Variants in BCOR observed in about 807,000 individuals in gnomAD.
BCOR encodes the protein BCL6 corepressor, also known as BCL-6 corepressor.
Under a neutral mutation model 86.7 loss-of-function variants are expected in BCOR, and 10 were observed. The ratio of observed to expected loss-of-function variants is 0.12; its 90% CI spans 0.07 to 0.20. The LOEUF (loss-of-function observed/expected upper bound fraction) is 0.20. BCOR is among the 10% of genes least tolerant of loss of function. BCOR has a pLI of 1.00. For missense variants in BCOR, 1,259 were observed against 1,452.1 expected (o/e 0.87, Z 2.16); for synonymous variants, 611 against 609.0 (o/e 1.00, Z -0.05).
chrX:40,075,318 CG>C, intron 3 of BCOR, 138 bp from the exon 4 acceptor site: 2 of 91,284 alleles, frequency 2.2e-5, no homozygotes, highest in East Asian at 5.8e-4. Context: ...TCCGGCGGGG[CG>C]GGGGTGGGGG....
intron 1 of BCOR, among the ~76,000 whole-genome samples, chrX:40,092,770 C>T (rs751463020): frequency 1.8e-5 from 2 of 112,465 alleles, no homozygotes; most frequent in South Asian, 7.3e-4. Flanking sequence ...CAGAGATAAT[C>T]CTAGTTCACT....
chrX:40,060,217 G>C (rs979835615), intron 10 of BCOR, among the ~76,000 whole-genome samples: 11 of 112,371 alleles, frequency 9.8e-5, no homozygotes, highest in African/African-American at 3.6e-4. Flanking sequence ...AGAAATCCCA[G>C]AAAGTTGGAT....
intron 3 of BCOR, among the ~76,000 whole-genome samples, chrX:40,075,584 C>A (rs1184309856): frequency 9.1e-6 from 1 of 110,341 alleles, no homozygotes; most frequent in African/African-American, 3.3e-5. Context: ...ATGGTGAAAC[C>A]CCATCTCTAC....
intron 1 of BCOR, among the ~76,000 whole-genome samples, chrX:40,161,366 A>C (rs1003572720): frequency 9.3e-6 from 1 of 107,798 alleles, no homozygotes; most frequent in African/African-American, 3.4e-5. Context: ...TGCCCGGCTA[A>C]TTTTTGTATT....
At chrX:40,177,025 C>A (rs977490228) in exon 1 of BCOR, 1 of 108,828 alleles carries the variant, frequency 9.2e-6, no homozygotes. Context: ...CGACCAGCTC[C>A]GTCTTCCACT....
intron 1 of BCOR, among the ~76,000 whole-genome samples, chrX:40,085,925 G>T (rs1389624329): frequency 8.9e-6 from 1 of 111,865 alleles, no homozygotes; most frequent in African/African-American, 3.3e-5. Context: ...TGCAGGGCCT[G>T]GCGGGGTACC....
intron 1 of BCOR, among the ~76,000 whole-genome samples, chrX:40,157,121 G>A (rs1938313409): frequency 8.8e-6 from 1 of 113,306 alleles, no homozygotes; most frequent in Non-Finnish European, 1.9e-5. Flanking sequence ...GGCTCCAAAG[G>A]GCTGATGTGA....
upstream of BCOR, among the ~76,000 whole-genome samples, chrX:40,098,869 G>C (rs1937012095): frequency 8.9e-6 from 1 of 112,663 alleles, no homozygotes; most frequent in Non-Finnish European, 1.9e-5. Context: ...TGGGGGAAGG[G>C]GGGAGCAGCC....
intron 1 of BCOR, among the ~76,000 whole-genome samples, chrX:40,140,958 ACT>A (rs1937910939): frequency 8.9e-6 from 1 of 112,460 alleles, no homozygotes; most frequent in Non-Finnish European, 1.9e-5. Context: ...CCCCTGGTTC[ACT>A]CTGAGGGGCT....
intron 1 of BCOR, among the ~76,000 whole-genome samples, chrX:40,174,586 A>C (rs1002297096): frequency 2.7e-5 from 3 of 112,945 alleles, no homozygotes; most frequent in Non-Finnish European, 5.6e-5. Context: ...GCCAAAACGC[A>C]GAACCATCTA....
At chrX:40,135,707 C>G (rs751458544) in intron 1 of BCOR, among the ~76,000 whole-genome samples, 1 of 111,582 alleles carries the variant, frequency 9.0e-6, no homozygotes, top group Non-Finnish European at 1.9e-5. Context: ...GCCTTTTTGT[C>G]TCTCAGCATT....
chrX:40,146,902 C>T (rs1295814105), intron 1 of BCOR, among the ~76,000 whole-genome samples: 2 of 112,555 alleles, frequency 1.8e-5, no homozygotes, highest in Non-Finnish European at 3.8e-5. Context: ...CTCCTTTCTT[C>T]GCGCCCCTAG....
chrX:40,110,661 CTTTTTCTTTTTTTTTTTTTTTTTTTTT>C (rs1390675777), intron 1 of BCOR, among the ~76,000 whole-genome samples: 1 of 24,670 alleles, frequency 4.1e-5, no homozygotes, highest in African/African-American at 9.3e-5. Context: ...TTCTTTTTTC[CTTTTTCTTTTTTTTTTTTTTTTTTTTT>C]TTTTTTTTTT....
intron 1 of BCOR, among the ~76,000 whole-genome samples, chrX:40,133,626 AT>A (rs1436096545): frequency 1.0e-3 from 108 of 106,057 alleles, no homozygotes; most frequent in Non-Finnish European, 1.7e-3. Flanking sequence ...CGCCCGGCTA[AT>A]TTTTTTGTAT....
chrX:40,066,487 G>A (rs1308372166), intron 6 of BCOR, among the ~76,000 whole-genome samples: 3 of 111,410 alleles, frequency 2.7e-5, no homozygotes, highest in Admixed American at 9.5e-5. Context: ...TCATAAACAC[G>A]GTGCAGCAGG....
intron 1 of BCOR, among the ~76,000 whole-genome samples, chrX:40,163,450 G>GC (rs1314823848): frequency 9.1e-6 from 1 of 110,264 alleles, no homozygotes; most frequent in African/African-American, 3.3e-5. Context: ...GAGTCCCCCT[G>GC]CCCCCATATA....
intron 1 of BCOR, among the ~76,000 whole-genome samples, chrX:40,123,199 CTT>C (rs1195944902): frequency 1.8e-5 from 2 of 111,143 alleles, no homozygotes; most frequent in Non-Finnish European, 3.8e-5. Context: ...GTTTCTCTCA[CTT>C]TCAAGGAGAT....
Position 40,052,180 on chromosome X carries a change from T to C in BCOR, c.5197A>G (p.Ile1733Val). The change falls in exon 15 of 15, where the codon ATT becomes GTT. Residue 1733 changes from isoleucine (I) to valine (V), a missense_variant. This residue lies in a region of BCOR where 137 missense variants were observed against 149.8 expected (regional missense o/e 0.91). Transcript: ENST00000378444. ...LLDLVEFTNE[I>V]QTLLGSSVEW... ...ACAGAGGAGCCCAGCAGAGTCTGAA[T>C]TTCGTTCGTGAATTCCACCAGATCT... is the stretch of plus-strand genomic sequence containing the variant. 1 of 1,210,177 alleles carries C rather than the reference T, an allele frequency of 8.3e-7. No homozygotes were observed. The highest frequency in any genetic ancestry group is 1.1e-6 in the Non-Finnish European group (1 of 894,704).
intron 1 of BCOR, among the ~76,000 whole-genome samples, chrX:40,156,762 C>G (rs1428063877): frequency 8.8e-6 from 1 of 113,411 alleles, no homozygotes; most frequent in Non-Finnish European, 1.9e-5. Flanking sequence ...CGCCGGTTCT[C>G]TCCTGTCCAG....
Sources: gnomAD v4.1 joint callset for allele counts (sites outside exome capture counted in the v4.1 genomes callset) on GRCh38, gnomAD v4.1.1 for gene constraint, gnomAD v4.1.1 regional missense constraint, MANE v1.5 for transcripts, NCBI Gene and HGNC (gene_info 2026-07-23, HGNC 2026-07-21) for gene names.